Variants in KIAA1671 observed in about 807,000 individuals in gnomAD.
The protein encoded by KIAA1671 is KIAA1671.
KIAA1671 carries 52 observed loss-of-function variants against 131.2 expected under a neutral mutation model. That is an observed-to-expected ratio of 0.40 (90% CI 0.32 to 0.50). The LOEUF (loss-of-function observed/expected upper bound fraction) is 0.50, where lower values mean the gene tolerates loss of function less well. KIAA1671 is among the 20% of genes least tolerant of loss of function. The pLI is 0.73. For missense variants in KIAA1671, 2,360 were observed against 2,364.2 expected (o/e 1.00, Z 0.04); for synonymous variants, 1,003 against 961.6 (o/e 1.04, Z -0.80).
At chr22:25,090,976 C>G (rs1313965164) in intron 6 of KIAA1671, among the ~76,000 whole-genome samples, 1 of 152,178 alleles carries the variant, frequency 6.6e-6, no homozygotes, top group African/African-American at 2.4e-5. Flanking sequence ...TCCCTGGAGT[C>G]TAGCACAGGG....
intron 1 of KIAA1671, among the ~76,000 whole-genome samples, chr22:24,983,288 C>T (rs1337740594): frequency 6.6e-6 from 1 of 152,228 alleles, no homozygotes. Flanking sequence ...CAGAGCCACA[C>T]TGCTTCAAAG....
At chr22:25,168,593 T>C (rs1208939086) in intron 6 of KIAA1671, among the ~76,000 whole-genome samples, 1 of 152,024 alleles carries the variant, frequency 6.6e-6, no homozygotes, top group African/African-American at 2.4e-5. Flanking sequence ...CTAAGGAGGC[T>C]GAGGCAAGAA....
Position 25,027,986 on chromosome 22 carries a change from C to G in KIAA1671, c.-14C>G. On this transcript the variant is annotated 5_prime_UTR_variant, in exon 3 of 13. It adds an upstream start codon to the 5' untranslated region. Transcript: ENST00000358431. ...CTTGAAGTTCCTAACCCCCATGAATCCACAACCATAACCATGGCCACGCGG... is the reference window on the plus strand; with the variant it reads ...CTTGAAGTTCCTAACCCCCATGAATGCACAACCATAACCATGGCCACGCGG... The G allele has an allele frequency of 1.4e-6, 2 of 1,458,220 alleles. No homozygotes were observed. Among genetic ancestry groups the G allele is most frequent in the South Asian group, 2.8e-5 (2 of 70,246 alleles). The allele number at this position is 1,458,220 out of a possible 1,614,324, so 90.3% of individuals were successfully genotyped here. A position where few individuals can be genotyped will look rare whatever the true frequency, so the allele number is the denominator to read the frequency against.
intron 1 of KIAA1671, among the ~76,000 whole-genome samples, chr22:24,960,662 T>C (rs953591650): frequency 7.1e-6 from 1 of 141,580 alleles, no homozygotes; most frequent in African/African-American, 2.6e-5. Context: ...TTCTTTTTTT[T>C]TTTTTTTTTT....
chr22:25,071,690 G>A (rs1009064877), intron 6 of KIAA1671, among the ~76,000 whole-genome samples: 1 of 152,144 alleles, frequency 6.6e-6, no homozygotes. Flanking sequence ...GCTCCATGCT[G>A]GAGATGCAGA....
At chr22:24,998,390 G>A (rs1398813741) in intron 1 of KIAA1671, among the ~76,000 whole-genome samples, 3 of 151,960 alleles carry the variant, frequency 2.0e-5, no homozygotes, top group African/African-American at 7.2e-5. Context: ...TCCAGCCTGG[G>A]TGACAAATTA....
intron 1 of KIAA1671, among the ~76,000 whole-genome samples, chr22:25,007,768 A>G (rs1924829445): frequency 6.6e-6 from 1 of 152,086 alleles, no homozygotes; most frequent in African/African-American, 2.4e-5. Context: ...CTTGACTTGC[A>G]TGTAATTAAA....
intron 6 of KIAA1671, among the ~76,000 whole-genome samples, chr22:25,103,719 C>T (rs1930833645): frequency 6.6e-6 from 1 of 152,106 alleles, no homozygotes; most frequent in Admixed American, 6.5e-5. Context: ...GTCTCAAATG[C>T]CTGACCTTGT....
intron 6 of KIAA1671, among the ~76,000 whole-genome samples, chr22:25,119,707 T>G (rs1931845767): frequency 6.6e-6 from 1 of 152,130 alleles, no homozygotes; most frequent in South Asian, 2.1e-4. Flanking sequence ...GAGGTGACAT[T>G]GGAGCAGAGA....
chr22:25,114,760 G>A (rs563345869), intron 6 of KIAA1671, among the ~76,000 whole-genome samples: 15 of 152,296 alleles, frequency 9.8e-5, no homozygotes, highest in Admixed American at 2.6e-4. Context: ...ACCCACACAC[G>A]CCCTTTTTAC....
chr22:24,991,072 T>C (rs575165015), intron 1 of KIAA1671, among the ~76,000 whole-genome samples: 3 of 152,166 alleles, frequency 2.0e-5, no homozygotes, highest in Non-Finnish European at 4.4e-5. Context: ...CAGGCTGGAG[T>C]GCAGTAGCTT....
intron 6 of KIAA1671, among the ~76,000 whole-genome samples, chr22:25,165,847 G>A (rs1933625807): frequency 6.6e-6 from 1 of 152,084 alleles, no homozygotes; most frequent in South Asian, 2.1e-4. Context: ...GTGAGGGGAG[G>A]GAAATGGGGC....
At chr22:25,173,655 C>G (rs944280705) in intron 7 of KIAA1671, among the ~76,000 whole-genome samples, 1 of 152,036 alleles carries the variant, frequency 6.6e-6, no homozygotes, top group African/African-American at 2.4e-5. Flanking sequence ...GCTGCAAATG[C>G]AAGACATATA....
At chr22:25,037,545 T>C (rs1303599983) in intron 4 of KIAA1671, among the ~76,000 whole-genome samples, 1 of 152,152 alleles carries the variant, frequency 6.6e-6, no homozygotes, top group African/African-American at 2.4e-5. Context: ...CATTTTAAAG[T>C]GCACAACTGA....
intron 6 of KIAA1671, among the ~76,000 whole-genome samples, chr22:25,146,136 T>G (rs1932874989): frequency 6.6e-6 from 1 of 152,188 alleles, no homozygotes. Flanking sequence ...GGGCAGAGTT[T>G]ATAGAATCTC....
intron 6 of KIAA1671, among the ~76,000 whole-genome samples, chr22:25,101,950 C>T (rs1930704972): frequency 6.6e-6 from 1 of 152,140 alleles, no homozygotes; most frequent in Non-Finnish European, 1.5e-5. Context: ...AGAGGTGCCC[C>T]CTGCCCCCAT....
chr22:25,075,443 TA>T (rs1312613979), intron 6 of KIAA1671, among the ~76,000 whole-genome samples: 6 of 152,322 alleles, frequency 3.9e-5, no homozygotes, highest in Admixed American at 6.5e-5. Flanking sequence ...TTTTCGCTTT[TA>T]GTTTCATCCC....
intron 6 of KIAA1671, among the ~76,000 whole-genome samples, chr22:25,142,662 A>G (rs1366797539): frequency 6.6e-6 from 1 of 152,220 alleles, no homozygotes; most frequent in Non-Finnish European, 1.5e-5. Flanking sequence ...ACCTGAGGTC[A>G]GGAGTTCGAG....
intron 6 of KIAA1671, among the ~76,000 whole-genome samples, chr22:25,154,005 G>T (rs1196443110): frequency 6.6e-6 from 1 of 152,208 alleles, no homozygotes; most frequent in Non-Finnish European, 1.5e-5. Context: ...TTTCTTCGCT[G>T]CTTCAGGCAT....
Sources: allele counts gnomAD v4.1 joint callset (sites outside exome capture counted in the v4.1 genomes callset), GRCh38; gene constraint gnomAD v4.1.1; transcripts MANE v1.5; gene names NCBI Gene and HGNC (gene_info 2026-07-23, HGNC 2026-07-21).